Variants in ADAM23 observed in about 807,000 individuals in gnomAD.
The protein encoded by ADAM23 is ADAM metallopeptidase domain 23.
In ADAM23, 33 loss-of-function variants were observed where a neutral mutation model predicts 120.1. The ratio of observed to expected loss-of-function variants is 0.27; its 90% CI spans 0.21 to 0.37. The LOEUF is 0.37. ADAM23 is among the 10% of genes least tolerant of loss of function. The probability of loss-of-function intolerance (pLI) is 1.00; values close to 1 mark genes in which losing one functional copy is unlikely to be tolerated. For synonymous variants in ADAM23, 367 were observed against 375.2 expected (o/e 0.98, Z 0.25); for missense variants, 862 against 1,058.2 (o/e 0.81, Z 2.57).
At chr2:206,465,193 C>T (rs1282662121) in intron 2 of ADAM23, among the ~76,000 whole-genome samples, 2 of 152,158 alleles carry the variant, frequency 1.3e-5, no homozygotes, top group Non-Finnish European at 2.9e-5. Context: ...CTCACACCAC[C>T]ATGCCTGGCT....
At chr2:206,592,104 C>G (rs1261380560) in intron 21 of ADAM23, among the ~76,000 whole-genome samples, 1 of 152,176 alleles carries the variant, frequency 6.6e-6, no homozygotes, top group Non-Finnish European at 1.5e-5. Context: ...TAACCCTTAG[C>G]ATGTTGATTT....
chr2:206,508,278 G>C (rs946954434), intron 3 of ADAM23, among the ~76,000 whole-genome samples: 1 of 152,106 alleles, frequency 6.6e-6, no homozygotes, highest in African/African-American at 2.4e-5. Context: ...CGCCCACCTT[G>C]GCCTCCTGAA....
chr2:206,483,599 G>A (rs922088234), intron 3 of ADAM23, among the ~76,000 whole-genome samples: 6 of 152,092 alleles, frequency 3.9e-5, no homozygotes, highest in African/African-American at 1.4e-4. Context: ...AGGAGTGATT[G>A]GAGAAATAGG....
chr2:206,478,896 G>A (rs1043432558), intron 2 of ADAM23, among the ~76,000 whole-genome samples: 1 of 152,166 alleles, frequency 6.6e-6, no homozygotes, highest in Admixed American at 6.5e-5. Flanking sequence ...CACCTTGTCA[G>A]TGGATCCTTT....
intron 3 of ADAM23, among the ~76,000 whole-genome samples, chr2:206,502,946 T>TC (rs1215643311): frequency 4.6e-5 from 7 of 152,126 alleles, no homozygotes; most frequent in African/African-American, 1.7e-4. Flanking sequence ...CTATGTAGAT[T>TC]CCCCGTGGCT....
intron 3 of ADAM23, among the ~76,000 whole-genome samples, chr2:206,527,634 C>T (rs1696969468): frequency 6.6e-6 from 1 of 152,122 alleles, no homozygotes. Flanking sequence ...ACCCTGTTTC[C>T]AAGCCCCTAT....
At chr2:206,508,963 G>A (rs952079505) in intron 3 of ADAM23, among the ~76,000 whole-genome samples, 1 of 152,200 alleles carries the variant, frequency 6.6e-6, no homozygotes, top group African/African-American at 2.4e-5. Context: ...TAAAATGGCA[G>A]CTTGTCATGA....
chr2:206,541,736 A>T (rs2105806659), intron 4 of ADAM23, among the ~76,000 whole-genome samples: 1 of 152,336 alleles, frequency 6.6e-6, no homozygotes, highest in Admixed American at 6.5e-5. Flanking sequence ...GGAAGTCCTT[A>T]TTCTATAACA....
At chr2:206,452,346 T>C (rs945044833) in intron 2 of ADAM23, among the ~76,000 whole-genome samples, 13 of 152,262 alleles carry the variant, frequency 8.5e-5, no homozygotes, top group African/African-American at 3.1e-4. Context: ...AGCTGAGCTG[T>C]GCTGTTGAAA....
At chr2:206,607,752 A>C (rs939562843) in intron 24 of ADAM23, among the ~76,000 whole-genome samples, 1 of 152,190 alleles carries the variant, frequency 6.6e-6, no homozygotes, top group Non-Finnish European at 1.5e-5. Flanking sequence ...ATCAAATTCC[A>C]AGTTTTAGCA....
At chr2:206,582,413 C>T (rs1362689449) in intron 18 of ADAM23, among the ~76,000 whole-genome samples, 1 of 152,100 alleles carries the variant, frequency 6.6e-6, no homozygotes, top group Non-Finnish European at 1.5e-5. Context: ...CACCCCTTTA[C>T]TTTAAGTTTA....
At chr2:206,464,164 GT>G (rs1396708351) in intron 2 of ADAM23, among the ~76,000 whole-genome samples, 1 of 152,168 alleles carries the variant, frequency 6.6e-6, no homozygotes, top group African/African-American at 2.4e-5. Context: ...GTTCTTTTCA[GT>G]TGGATTATAT....
At chr2:206,457,238 G>T (rs1695319046) in intron 2 of ADAM23, among the ~76,000 whole-genome samples, 1 of 152,154 alleles carries the variant, frequency 6.6e-6, no homozygotes, top group Admixed American at 6.6e-5. Context: ...ATCTCACATG[G>T]TCCTTGCAGC....
intron 14 of ADAM23, among the ~76,000 whole-genome samples, chr2:206,566,239 G>A (rs1201130410): frequency 6.7e-6 from 1 of 149,598 alleles, no homozygotes; most frequent in African/African-American, 2.4e-5. Flanking sequence ...TTTTAAATAA[G>A]ATAAAATGTT....
chr2:206,450,765 T>G (rs371123165), intron 2 of ADAM23, among the ~76,000 whole-genome samples: 16 of 152,378 alleles, frequency 1.1e-4, no homozygotes, highest in African/African-American at 3.6e-4. Flanking sequence ...TGGAGCAAGA[T>G]GTGTCTTTCT....
chr2:206,606,688 C>G (rs1392597657), intron 24 of ADAM23: 3 of 152,152 alleles, frequency 2.0e-5, no homozygotes, highest in African/African-American at 7.2e-5. Flanking sequence ...TGATCCACAT[C>G]CTCAGAATAG....
At chr2:206,537,790 C>A (rs1266921896) in intron 4 of ADAM23, among the ~76,000 whole-genome samples, 1 of 152,036 alleles carries the variant, frequency 6.6e-6, no homozygotes, top group Non-Finnish European at 1.5e-5. Context: ...TTTCCCTAGT[C>A]TTTGAATTAA....
chr2:206,553,175 C>T (rs1253915017), intron 9 of ADAM23, among the ~76,000 whole-genome samples: 2 of 151,874 alleles, frequency 1.3e-5, no homozygotes, highest in Non-Finnish European at 2.9e-5. Context: ...GTAAGGAGTT[C>T]GAGACCAGCC....
intron 3 of ADAM23, among the ~76,000 whole-genome samples, chr2:206,486,965 C>T (rs1180230608): frequency 2.0e-5 from 3 of 152,266 alleles, no homozygotes; most frequent in Non-Finnish European, 4.4e-5. Context: ...ACATTTCATA[C>T]GATATGCAGC....
Sources: gnomAD v4.1 joint callset for allele counts (sites outside exome capture counted in the v4.1 genomes callset) on GRCh38, gnomAD v4.1.1 for gene constraint, MANE v1.5 for transcripts, NCBI Gene and HGNC (gene_info 2026-07-23, HGNC 2026-07-21) for gene names.